Variants in TFAP2E observed in about 807,000 individuals in gnomAD.
TFAP2E encodes the protein transcription factor AP-2-epsilon.
Under a neutral mutation model 37.9 loss-of-function variants are expected in TFAP2E, and 30 were observed. The ratio of observed to expected loss-of-function variants is 0.79; its 90% CI spans 0.59 to 1.07. The LOEUF is 1.07. Ranked by LOEUF, TFAP2E falls within the 50% of genes least tolerant of loss-of-function variation. TFAP2E has a pLI of 0.00. For missense variants in TFAP2E, 567 were observed against 637.9 expected, an observed-to-expected ratio of 0.89 and a Z score of 1.20; for synonymous variants, 318 against 295.8, an observed-to-expected ratio of 1.08 and a Z score of -0.77.
rs754423451 is a variant in TFAP2E, at chr1:35,588,501, T to TCTCGC, written c.738_742dup (p.Pro248ArgfsTer31). ...ACGGTGGGGGAGGTGCAGCGGCGACTCTCGCCTCCCGAGTGCCTCAACGCC... is the reference window on the plus strand; with the variant it reads ...ACGGTGGGGGAGGTGCAGCGGCGACTCTCGCCTCGCCTCCCGAGTGCCTCAACGCC... On this transcript the variant is annotated frameshift_variant, in exon 4 of 7. Transcript: ENST00000373235. LOFTEE classifies it high-confidence loss of function. This position sits in a 1 kb window ranked among gnomAD's most constrained non-coding sequence, Gnocchi z 5.1. 6.2e-7 allele frequency: 1 copy of TCTCGC among 1,606,652 alleles called. No homozygotes were observed. Among genetic ancestry groups the TCTCGC allele is most frequent in the Non-Finnish European group, 8.5e-7 (1 of 1,177,620 alleles).
Position 35,573,935 on chromosome 1 carries a change from C to A in TFAP2E, c.36C>A (p.Pro12=). 1 of 1,455,108 alleles carries A rather than the reference C, an allele frequency of 6.9e-7. No individual in the cohort carries two copies. Among genetic ancestry groups the A allele is most frequent in the Non-Finnish European group, 8.9e-7 (1 of 1,119,988 alleles). The allele number at this position is 1,455,108 out of a possible 1,614,324, so 90.1% of individuals were successfully genotyped here. Residue 12 remains proline, a synonymous_variant, in exon 2 of 7, where the codon CCC becomes CCA. Transcript: ENST00000373235. The surrounding 1 kb of genome is among the most constrained non-coding windows in gnomAD (Gnocchi z 5.9). ...LVHTYSAMER[P]DGLGAAAGGA... ...CCCCTCTCCTTCCCCAGGAGCGCCC[C>A]GACGGGCTGGGAGCAGCTGCCGGCG...
rs1557431111 is a variant in TFAP2E, at chr1:35,573,959, C to A, written c.60C>A (p.Gly20=). 7.0e-7 allele frequency: 1 copy of A among 1,425,798 alleles called. No homozygotes were observed. The highest frequency in any genetic ancestry group is 3.0e-5 in the East Asian group (1 of 33,344). 88.3% of individuals were successfully genotyped at this position (1,425,798 alleles called of 1,614,324 possible). A position where few individuals can be genotyped will look rare whatever the true frequency, so the allele number is the denominator to read the frequency against. Residue 20 remains glycine, a synonymous_variant, in exon 2 of 7, where the codon GGC becomes GGA. Transcript: ENST00000373235. This position sits in a 1 kb window ranked among gnomAD's most constrained non-coding sequence, Gnocchi z 5.9. ...ERPDGLGAAA[G]GARLSSLPQA... is the part of the protein sequence containing the mutation. ...CCGACGGGCTGGGAGCAGCTGCCGG[C>A]GGGGCCCGCCTGTCGTCTCTGCCCC...
chr1:35,574,224 G>T lies in TFAP2E; in HGVS notation c.325G>T (p.Ala109Ser). The change falls in exon 2 of 7, where the codon GCC (alanine) becomes TCC (serine). Residue 109 changes from alanine to serine, a missense_variant. Transcript: ENST00000373235. Reference protein sequence around the residue: ...AWAAPRAAARAHEEPPGLLAP... With the variant: ...AWAAPRAAARSHEEPPGLLAP... ...GGCCGCGCCCCGCGCAGCCGCCCGC[G>T]CCCACGAGGAGCCTCCCGGCCTGCT... 2 of 1,242,982 alleles carry T rather than the reference G, an allele frequency of 1.6e-6. No homozygotes were observed. The highest frequency in any genetic ancestry group is 2.0e-6 in the Non-Finnish European group (2 of 990,500). The allele number at this position is 1,242,982 out of a possible 1,614,324, so 77.0% of individuals were successfully genotyped here.
intron 3 of TFAP2E, among the ~76,000 whole-genome samples, chr1:35,587,604 C>T (rs1649517286): frequency 7.1e-6 from 1 of 140,228 alleles, no homozygotes; most frequent in African/African-American, 2.8e-5. Flanking sequence ...TACCACTGCA[C>T]TCCAGCCTGG....
At position 35,574,217 on chromosome 1, in the gene TFAP2E, C is replaced by T. The variant is rs1649098371; in HGVS notation, c.318C>T (p.Ala106=). ...PQAAWAAPRA[A]ARAHEEPPGL... ...CCGCCTGGGCCGCGCCCCGCGCAGC[C>T]GCCCGCGCCCACGAGGAGCCTCCCG... is the stretch of plus-strand genomic sequence containing the variant. The change falls in exon 2 of 7, where the codon GCC becomes GCT. Residue 106 remains alanine, a synonymous_variant. Transcript: ENST00000373235. The T allele has an allele frequency of 2.4e-6, 3 of 1,236,140 alleles. No individual in the cohort carries two copies. The highest frequency in any genetic ancestry group is 3.0e-6 in the Non-Finnish European group (3 of 986,700). 76.6% of individuals were successfully genotyped at this position (1,236,140 alleles called of 1,614,324 possible). A position where few individuals can be genotyped will look rare whatever the true frequency, so the allele number is the denominator to read the frequency against.
intron 6 of TFAP2E, among the ~76,000 whole-genome samples, chr1:35,592,857 C>G (rs555165844): frequency 6.6e-6 from 1 of 152,172 alleles, no homozygotes; most frequent in Non-Finnish European, 1.5e-5. Context: ...TCTTTTATAA[C>G]AAGGGCATTA....
rs1245595399 is a variant in TFAP2E at position 35,574,172 on chromosome 1, G to T, written c.273G>T (p.Ala91=). 3 of 1,405,956 alleles carry T rather than the reference G, an allele frequency of 2.1e-6. No individual in the cohort carries two copies. Among genetic ancestry groups the T allele is most frequent in the African/African-American group, 1.5e-5 (1 of 65,044 alleles). The allele number at this position is 1,405,956 out of a possible 1,614,324, so 87.1% of individuals were successfully genotyped here. The change falls in exon 2 of 7, where the codon GCG becomes GCT. Residue 91 remains alanine, a synonymous_variant. Coordinates refer to ENST00000373235, the MANE Select transcript of TFAP2E (RefSeq NM_178548.4). The stretch of plus-strand genomic sequence containing the variant: ...CATATGGCGGCCTGGCGCCCCTGGC[G>T]CAGCCGCAGCCTCCTCAGGCCGCCT... The part of the protein sequence containing the change: ...GDPYGGLAPL[A]QPQPPQAAWA...
At chr1:35,583,886 G>A (rs933544316) in intron 3 of TFAP2E, among the ~76,000 whole-genome samples, 1 of 152,138 alleles carries the variant, frequency 6.6e-6, no homozygotes, top group African/African-American at 2.4e-5. Flanking sequence ...AGGGACAGGT[G>A]GGGGAAGCAG....
intron 3 of TFAP2E, among the ~76,000 whole-genome samples, chr1:35,578,515 G>A (rs1649248585): frequency 6.6e-6 from 1 of 152,146 alleles, no homozygotes; most frequent in South Asian, 2.1e-4. Context: ...TGAGAACTGA[G>A]ATGGATCCCT....
intron 3 of TFAP2E, among the ~76,000 whole-genome samples, chr1:35,586,375 G>A (rs1308960396): frequency 6.6e-6 from 1 of 152,218 alleles, no homozygotes; most frequent in African/African-American, 2.4e-5. Flanking sequence ...ACATCATTTT[G>A]TCTAGCTCTG....
intron 3 of TFAP2E, among the ~76,000 whole-genome samples, chr1:35,579,543 T>G (rs542563840): frequency 1.3e-5 from 2 of 152,038 alleles, no homozygotes; most frequent in Admixed American, 1.3e-4. Context: ...TACAGGTACC[T>G]GTCACCACGC....
rs1438551822 is a variant in TFAP2E at position 35,573,543 on chromosome 1, C to G, written c.-35C>G. Reference sequence around the variant, plus strand: ...GCTCGCCGTCGGGCTAGGGCTCCGCCGCCGCCACGCCTCGCGCCCGGCACT... The same window carrying G: ...GCTCGCCGTCGGGCTAGGGCTCCGCGGCCGCCACGCCTCGCGCCCGGCACT... On this transcript the variant is annotated 5_prime_UTR_variant, in exon 1 of 7. Transcript: ENST00000373235. This position sits in a 1 kb window ranked among gnomAD's most constrained non-coding sequence, Gnocchi z 5.9. 4.0e-6 allele frequency: 6 copies of G among 1,512,550 alleles called. No individual in the cohort carries two copies. The highest frequency in any genetic ancestry group is 5.3e-6 in the Non-Finnish European group (6 of 1,131,606). The allele number at this position is 1,512,550 out of a possible 1,614,324, so 93.7% of individuals were successfully genotyped here. A position where few individuals can be genotyped will look rare whatever the true frequency, so the allele number is the denominator to read the frequency against.
intron 6 of TFAP2E, among the ~76,000 whole-genome samples, chr1:35,591,039 G>C (rs1451265981): frequency 1.3e-5 from 2 of 152,118 alleles, no homozygotes; most frequent in African/African-American, 4.8e-5. Context: ...TACACGAGCA[G>C]TGAGCACACA....
Position 35,590,457 on chromosome 1 carries a change from G to A in TFAP2E, c.905-177G>A, listed in dbSNP as rs1169579224. On this transcript the variant is annotated intron_variant, in intron 5 of 6. Transcript: ENST00000373235. The surrounding 1 kb of genome is among the most constrained non-coding windows in gnomAD (Gnocchi z 6.2). ...TCTGAGCTCAGAGCCCAACCCTAAT[G>A]GCCCCAAGGTGGGGCAATGGAATGG... 1.1e-4 allele frequency among the ~76,000 whole-genome samples: 16 copies of A among 152,050 alleles called. No homozygotes were observed. Among genetic ancestry groups the A allele is most frequent in the Admixed American group, 1.0e-3 (16 of 15,270 alleles).
chr1:35,582,276 A>G (rs1649370642), intron 3 of TFAP2E, among the ~76,000 whole-genome samples: 1 of 152,138 alleles, frequency 6.6e-6, no homozygotes, highest in Admixed American at 6.6e-5. Flanking sequence ...TCATGTACTT[A>G]TTTAACCATT....
At chr1:35,576,856 G>A (rs933515759) in intron 3 of TFAP2E, among the ~76,000 whole-genome samples, 1 of 151,862 alleles carries the variant, frequency 6.6e-6, no homozygotes, top group Non-Finnish European at 1.5e-5. Context: ...CCTGGAGCGG[G>A]GCGGGACGCG....
Position 35,574,116 on chromosome 1 carries a change from G to C in TFAP2E, c.217G>C (p.Ala73Pro). Residue 73 changes from alanine to proline, a missense_variant, in exon 2 of 7, where the codon GCC becomes CCC. By Grantham distance (27) the Ala-to-Pro change is conservative. This residue lies in a region of TFAP2E where 312 missense variants were observed against 317.4 expected (regional missense o/e 0.98). Transcript: ENST00000373235. Reference sequence around the variant, plus strand: ...GCCCTACGGTCAGGCGCCCGACGCCGCCGCAGCCTTTCCCCACCTGGCAGG... The same window carrying C: ...GCCCTACGGTCAGGCGCCCGACGCCCCCGCAGCCTTTCCCCACCTGGCAGG... ...PLPYGQAPDA[A>P]AAFPHLAGDP... 1 of 1,458,566 alleles carries C rather than the reference G, an allele frequency of 6.9e-7. No homozygotes were observed. Among genetic ancestry groups the C allele is most frequent in the Non-Finnish European group, 9.0e-7 (1 of 1,107,400 alleles). 90.4% of individuals were successfully genotyped at this position (1,458,566 alleles called of 1,614,324 possible). A position where few individuals can be genotyped will look rare whatever the true frequency, so the allele number is the denominator to read the frequency against.
Position 35,590,647 on chromosome 1 carries a change from C to A in TFAP2E, c.918C>A (p.His306Gln). 1.3e-6 allele frequency: 2 copies of A among 1,517,334 alleles called. No individual in the cohort carries two copies. Among genetic ancestry groups the A allele is most frequent in the Non-Finnish European group, 1.8e-6 (2 of 1,120,812 alleles). The allele number at this position is 1,517,334 out of a possible 1,614,324, so 94.0% of individuals were successfully genotyped here. ...LTSLVEGEAV[H>Q]LARDFGYVCE... Reference sequence around the variant, plus strand: ...CCCTCCCCCCAGGAGAGGCCGTGCACCTGGCCCGAGACTTCGGTTACGTCT... The same window carrying A: ...CCCTCCCCCCAGGAGAGGCCGTGCAACTGGCCCGAGACTTCGGTTACGTCT... Residue 306 changes from histidine to glutamine, a missense_variant, in exon 6 of 7, where the codon CAC (histidine) becomes CAA (glutamine). This residue lies in a region of TFAP2E where 252 missense variants were observed against 302.6 expected (regional missense o/e 0.83). Coordinates refer to ENST00000373235, the MANE Select transcript of TFAP2E (RefSeq NM_178548.4). The surrounding 1 kb of genome is among the most constrained non-coding windows in gnomAD (Gnocchi z 6.2).
In TFAP2E at chr1:35,594,529, T is replaced by C; in HGVS notation, c.1182T>C (p.Gly394=). 1 of 1,614,208 alleles carries C rather than the reference T, an allele frequency of 6.2e-7. No individual in the cohort carries two copies. Among genetic ancestry groups the C allele is most frequent in the East Asian group, 2.2e-5 (1 of 44,872 alleles). Residue 394 remains glycine (G), a synonymous_variant, in exon 7 of 7, where the codon GGT becomes GGC. Coordinates refer to ENST00000373235, the MANE Select transcript of TFAP2E (RefSeq NM_178548.4). ...THFSLITHGF[G]GPAICAALTA... The stretch of plus-strand genomic sequence containing the variant: ...TTAGCCTCATCACCCATGGCTTCGG[T>C]GGGCCTGCCATCTGTGCTGCCCTCA...
Sources: allele counts gnomAD v4.1 joint callset (sites outside exome capture counted in the v4.1 genomes callset), GRCh38; gene constraint gnomAD v4.1.1; regional missense constraint gnomAD v4.1.1; non-coding constraint Gnocchi (gnomAD v3.1); transcripts MANE v1.5; gene names NCBI Gene and HGNC (gene_info 2026-07-23, HGNC 2026-07-21).